Variants in PLEKHO2 observed in about 807,000 individuals in gnomAD.
PLEKHO2 encodes the protein pleckstrin homology domain-containing family O member 2.
PLEKHO2 carries 20 observed loss-of-function variants against 32.7 expected under a neutral mutation model. The ratio of observed to expected loss-of-function variants is 0.61; its 90% CI spans 0.43 to 0.89. PLEKHO2 has a LOEUF of 0.89. Ranked by LOEUF, PLEKHO2 falls within the 40% of genes least tolerant of loss-of-function variation. The pLI, the probability that PLEKHO2 is intolerant of heterozygous loss-of-function variation, is 0.00. For synonymous variants in PLEKHO2, 247 were observed against 246.3 expected (o/e 1.00, Z -0.03); for missense variants, 568 against 621.2 (o/e 0.91, Z 0.91).
In PLEKHO2 at chr15:64,861,354, A is replaced by G. The variant is rs2084639368; in HGVS notation, c.385-123A>G. 4.6e-6 allele frequency: 3 copies of G among 652,652 alleles called. No homozygotes were observed. The South Asian group carries it at 6.2e-5, about 13-fold the overall frequency. 40.4% of individuals were successfully genotyped at this position (652,652 alleles called of 1,614,324 possible). On this transcript the variant is annotated intron_variant, in intron 4 of 5. Coordinates refer to ENST00000323544, the MANE Select transcript of PLEKHO2 (RefSeq NM_025201.5). ...GAGTTAGAGAAGCAGAGGCCAGGGC[A>G]GGGAGATTCCCAGAGAGGGCAGCGG...
intron 5 of PLEKHO2, among the ~76,000 whole-genome samples, chr15:64,863,666 C>A (rs1024913977): frequency 1.1e-4 from 16 of 151,612 alleles, no homozygotes; most frequent in African/African-American, 3.9e-4. Context: ...TGGCACATGC[C>A]TGTGGTCCCA....
intron 4 of PLEKHO2, among the ~76,000 whole-genome samples, 192 bp from the exon 5 acceptor site, chr15:64,861,285 G>A (rs1397620335): frequency 6.6e-6 from 1 of 152,222 alleles, no homozygotes; most frequent in East Asian, 1.9e-4. Flanking sequence ...CAGCTGCAGA[G>A]AGGGAGAGCC....
At chr15:64,850,844 T>G (rs888007283) in intron 2 of PLEKHO2, among the ~76,000 whole-genome samples, 1 of 152,260 alleles carries the variant, frequency 6.6e-6, no homozygotes, top group African/African-American at 2.4e-5. Context: ...ATTTGTGTGC[T>G]GTGGTTGAGG....
In PLEKHO2 at chr15:64,866,344, A is replaced by G. The variant is rs1197970431; in HGVS notation, c.*456A>G. On this transcript the variant is annotated 3_prime_UTR_variant, in exon 6 of 6. Coordinates refer to ENST00000323544, the MANE Select transcript of PLEKHO2 (RefSeq NM_025201.5). ...TTCCTAGGCAAAGAGCCTCATGGCT[A>G]AGGCAGCCTCAAAGCCAGCCCCTCC... 3 of 457,390 alleles carry G rather than the reference A, an allele frequency of 6.6e-6. No homozygotes were observed. The highest frequency in any genetic ancestry group is 3.1e-5 in the South Asian group (2 of 64,580). 28.3% of individuals were successfully genotyped at this position (457,390 alleles called of 1,614,324 possible).
intron 5 of PLEKHO2, among the ~76,000 whole-genome samples, chr15:64,863,091 C>T (rs1049502835): frequency 6.6e-5 from 10 of 152,088 alleles, no homozygotes; most frequent in African/African-American, 2.2e-4. Flanking sequence ...GCACCCTCCA[C>T]CACCCCCGGC....
chr15:64,866,076 C>T lies in PLEKHO2; in HGVS notation c.*188C>T, dbSNP rs1357762962. ...CCTACTCTGCTCTGGCCAGTGGTGC[C>T]AGGTGCCACCCAGGGCTACTGCCTG... is the stretch of plus-strand genomic sequence containing the variant. On this transcript the variant is annotated 3_prime_UTR_variant, in exon 6 of 6. Transcript: ENST00000323544. The T allele has an allele frequency of 1.0e-5, 8 of 772,164 alleles. No individual in the cohort carries two copies. Among genetic ancestry groups the T allele is most frequent in the Admixed American group, 2.9e-5 (1 of 34,100 alleles). The allele number at this position is 772,164 out of a possible 1,614,324, so 47.8% of individuals were successfully genotyped here.
At chr15:64,855,901 C>A (rs1347464762) in intron 3 of PLEKHO2, among the ~76,000 whole-genome samples, 1 of 152,128 alleles carries the variant, frequency 6.6e-6, no homozygotes, top group Non-Finnish European at 1.5e-5. Context: ...TTCTGTTTCT[C>A]CCCCAGCTTT....
chr15:64,858,399 G>A (rs1317124219), intron 3 of PLEKHO2, among the ~76,000 whole-genome samples: 1 of 152,150 alleles, frequency 6.6e-6, no homozygotes, highest in Non-Finnish European at 1.5e-5. Flanking sequence ...CTAACACCAG[G>A]GTGGAGGATG....
intron 1 of PLEKHO2, among the ~76,000 whole-genome samples, chr15:64,843,252 T>C (rs897938073): frequency 3.3e-5 from 5 of 152,346 alleles, no homozygotes; most frequent in African/African-American, 4.8e-5. Flanking sequence ...CTACAAAATA[T>C]AGTGCCTGTC....
chr15:64,842,169 G>A, intron 1 of PLEKHO2, 141 bp downstream of exon 1: 1 of 769,036 alleles, frequency 1.3e-6, no homozygotes, highest in Non-Finnish European at 1.8e-6. Context: ...AAATGGGGCA[G>A]GGGCGAGGGG....
chr15:64,848,887 T>C, intron 2 of PLEKHO2, 145 bp downstream of exon 2: 1 of 921,408 alleles, frequency 1.1e-6, no homozygotes, highest in Non-Finnish European at 1.7e-6. Flanking sequence ...GAGTACCTAA[T>C]CCTCTCTTGG....
chr15:64,858,535 A>G (rs527871788), intron 3 of PLEKHO2, among the ~76,000 whole-genome samples: 1 of 152,280 alleles, frequency 6.6e-6, no homozygotes, highest in East Asian at 1.9e-4. Flanking sequence ...TTCATTCAAG[A>G]ACTATTTACT....
intron 1 of PLEKHO2, among the ~76,000 whole-genome samples, chr15:64,842,528 C>A (rs2140336331): frequency 6.6e-6 from 1 of 150,852 alleles, no homozygotes; most frequent in East Asian, 1.9e-4. Flanking sequence ...TTGGGGGGTT[C>A]CTGTCTCAAG....
intron 1 of PLEKHO2, among the ~76,000 whole-genome samples, 153 bp downstream of exon 1, chr15:64,842,181 T>A (rs2084488963): frequency 6.6e-6 from 1 of 152,268 alleles, no homozygotes; most frequent in Non-Finnish European, 1.5e-5. Context: ...GGCGAGGGGC[T>A]GGATCCATAT....
intron 1 of PLEKHO2, among the ~76,000 whole-genome samples, chr15:64,844,631 C>T (rs982797218): frequency 2.0e-5 from 3 of 152,146 alleles, no homozygotes; most frequent in Non-Finnish European, 2.9e-5. Context: ...TTCTGTCCCA[C>T]GGAGTAATCT....
At chr15:64,847,271 G>T (rs923392158) in intron 1 of PLEKHO2, among the ~76,000 whole-genome samples, 1 of 152,172 alleles carries the variant, frequency 6.6e-6, no homozygotes. Context: ...TCTTCCAAAG[G>T]CAGCTGTGGC....
intron 5 of PLEKHO2, 130 bp from the exon 6 acceptor site, chr15:64,864,769 C>T: frequency 2.1e-6 from 2 of 937,228 alleles, no homozygotes; most frequent in East Asian, 2.5e-5. Context: ...GAAGCCAGGA[C>T]AGAGGGAGGC....
chr15:64,841,933 G>C lies in PLEKHO2; in HGVS notation c.-84G>C, dbSNP rs1331010834. The C allele has an allele frequency of 1.6e-6, 2 of 1,215,566 alleles. No individual in the cohort carries two copies. Among genetic ancestry groups the C allele is most frequent in the South Asian group, 3.9e-5 (1 of 25,690 alleles). The allele number at this position is 1,215,566 out of a possible 1,614,324, so 75.3% of individuals were successfully genotyped here. ...GCGGGACAGAACGCGGAGAGTCGCC[G>C]CCTGGCCGGGCGTAGACGCGGTGGC... On this transcript the variant is annotated 5_prime_UTR_variant, in exon 1 of 6. Coordinates refer to ENST00000323544, the MANE Select transcript of PLEKHO2 (RefSeq NM_025201.5).
At chr15:64,861,700 G>A in intron 5 of PLEKHO2, 125 bp downstream of exon 5, 1 of 688,890 alleles carries the variant, frequency 1.5e-6, no homozygotes, top group Non-Finnish European at 2.3e-6. Flanking sequence ...TTCCTGAGGA[G>A]TAGACAGGAA....
Sources: allele counts gnomAD v4.1 joint callset (sites outside exome capture counted in the v4.1 genomes callset), GRCh38; gene constraint gnomAD v4.1.1; transcripts MANE v1.5; gene names NCBI Gene and HGNC (gene_info 2026-07-23, HGNC 2026-07-21).